ERC2: variants seen among roughly 807,000 people sequenced by gnomAD.
ERC2 encodes ERC protein 2.
In ERC2, 42 loss-of-function variants were observed where a neutral mutation model predicts 114.8. The observed-to-expected ratio is 0.37, with a 90% CI of 0.29 to 0.47. ERC2 has a LOEUF of 0.47. Ranked by LOEUF, ERC2 falls within the 20% of genes least tolerant of loss-of-function variation. The pLI is 0.99. For synonymous variants in ERC2, 454 were observed against 425.5 expected (o/e 1.07, Z -0.82); for missense variants, 939 against 1,150.7 (o/e 0.82, Z 2.66).
chr3:55,633,917 C>T (rs2059854202), intron 17 of ERC2, among the ~76,000 whole-genome samples: 3 of 152,280 alleles, frequency 2.0e-5, no homozygotes, highest in South Asian at 2.1e-4. Flanking sequence ...TCAAGGGTCC[C>T]GGGTGGGAAA....
intron 17 of ERC2, among the ~76,000 whole-genome samples, chr3:55,673,827 T>C (rs2061667663): frequency 9.9e-6 from 1 of 100,992 alleles, no homozygotes; most frequent in South Asian, 3.2e-4. Context: ...TTTTTTTTTT[T>C]AGTAGAGTGA....
At chr3:56,322,873 A>T (rs2057190314) in intron 2 of ERC2, among the ~76,000 whole-genome samples, 1 of 152,260 alleles carries the variant, frequency 6.6e-6, no homozygotes, top group Non-Finnish European at 1.5e-5. Flanking sequence ...TTGATTCCCA[A>T]CGTGACAGTG....
chr3:56,278,988 T>C (rs1231417398), intron 3 of ERC2, among the ~76,000 whole-genome samples: 1 of 152,224 alleles, frequency 6.6e-6, no homozygotes, highest in African/African-American at 2.4e-5. Context: ...AATTATAGCA[T>C]GTGCCATACC....
chr3:56,349,967 C>G (rs913318337), intron 2 of ERC2, among the ~76,000 whole-genome samples: 2 of 151,922 alleles, frequency 1.3e-5, no homozygotes. Context: ...TGCTTATTAC[C>G]TGGATGATGA....
At chr3:55,629,170 G>A (rs2059642916) in intron 17 of ERC2, among the ~76,000 whole-genome samples, 1 of 152,036 alleles carries the variant, frequency 6.6e-6, no homozygotes, top group South Asian at 2.1e-4. Context: ...AGTCTCCTGG[G>A]CCTCGCGGCT....
intron 13 of ERC2, among the ~76,000 whole-genome samples, chr3:55,890,622 C>T (rs1051602338): frequency 6.6e-6 from 1 of 152,208 alleles, no homozygotes; most frequent in Non-Finnish European, 1.5e-5. Flanking sequence ...TGATTTCAGG[C>T]TGCTCCAGCC....
intron 2 of ERC2, among the ~76,000 whole-genome samples, chr3:56,382,819 T>G (rs1413852950): frequency 1.3e-5 from 2 of 152,128 alleles, no homozygotes; most frequent in African/African-American, 2.4e-5. Context: ...AGGCTTGCTA[T>G]CTCATCCCTG....
At chr3:56,272,948 TA>T (rs1179001719) in intron 3 of ERC2, among the ~76,000 whole-genome samples, 1 of 152,176 alleles carries the variant, frequency 6.6e-6, no homozygotes, top group African/African-American at 2.4e-5. Flanking sequence ...GTCTCACGTA[TA>T]AAAGGGGTAA....
chr3:55,620,059 C>T lies in ERC2; in HGVS notation c.*39+63735G>A, dbSNP rs114497349. On this transcript the variant is annotated intron_variant, in intron 17 of 17. Transcript: ENST00000288221. Reference sequence around the variant, plus strand: ...ATTGCCTGGCAAAATGACTGTTCACCTTTGAAGCTCTGCAAATTGGGATTA... The same window carrying T: ...ATTGCCTGGCAAAATGACTGTTCACTTTTGAAGCTCTGCAAATTGGGATTA... Among the ~76,000 whole-genome samples the T allele has an allele frequency of 2.3e-3, 349 of 152,302 alleles. 1 individual carries two copies. Among genetic ancestry groups the T allele is most frequent in the African/African-American group, 8.1e-3 (335 of 41,570 alleles).
chr3:55,996,823 T>C (rs1029348521), intron 10 of ERC2, among the ~76,000 whole-genome samples: 1 of 152,184 alleles, frequency 6.6e-6, no homozygotes, highest in Admixed American at 6.5e-5. Flanking sequence ...GTTATTTTAG[T>C]GAAAGAATTT....
intron 13 of ERC2, among the ~76,000 whole-genome samples, chr3:55,924,296 T>C (rs749203201): frequency 8.5e-5 from 13 of 152,088 alleles, no homozygotes; most frequent in Non-Finnish European, 2.9e-5. Flanking sequence ...CCATATGGCC[T>C]GTGTTGCAAC....
intron 14 of ERC2, among the ~76,000 whole-genome samples, chr3:55,884,672 T>C (rs1181064117): frequency 1.3e-5 from 2 of 152,092 alleles, no homozygotes; most frequent in Admixed American, 1.3e-4. Flanking sequence ...ATGGGAATGG[T>C]ATTCACCAGG....
At chr3:55,996,022 A>C (rs1268842178) in intron 10 of ERC2, among the ~76,000 whole-genome samples, 1 of 152,234 alleles carries the variant, frequency 6.6e-6, no homozygotes, top group Admixed American at 6.5e-5. Flanking sequence ...AGTAGGTAAC[A>C]GACTTGGATC....
chr3:56,248,283 A>G (rs374321851), intron 3 of ERC2, among the ~76,000 whole-genome samples: 5 of 152,272 alleles, frequency 3.3e-5, no homozygotes, highest in African/African-American at 7.2e-5. Context: ...TTTTACAGAC[A>G]GAGTCTCGCT....
intron 14 of ERC2, among the ~76,000 whole-genome samples, chr3:55,777,243 G>A (rs775975663): frequency 9.2e-5 from 14 of 152,024 alleles, no homozygotes; most frequent in Non-Finnish European, 1.8e-4. Flanking sequence ...TGTGGCATCT[G>A]AGGGCCCATG....
intron 14 of ERC2, among the ~76,000 whole-genome samples, chr3:55,825,390 T>C (rs1249573307): frequency 2.0e-5 from 3 of 152,230 alleles, no homozygotes. Flanking sequence ...TTAACAGATT[T>C]CTTTATCTAA....
rs374551607 is a variant in ERC2 at position 56,413,439 on chromosome 3, T to C, written c.657+20912A>G. Among the ~76,000 whole-genome samples, 16 of 152,308 alleles carry C rather than the reference T, an allele frequency of 1.1e-4. No homozygotes were observed. The East Asian group carries it at 1.5e-3, about 15-fold the overall frequency. On this transcript the variant is annotated intron_variant, in intron 2 of 17. Transcript: ENST00000288221. ...CAGCGCACAGCAGGTATGGCCATCTTGGGTCCTGGGAATGGAGGGAGTAGC... is the reference window on the plus strand; with the variant it reads ...CAGCGCACAGCAGGTATGGCCATCTCGGGTCCTGGGAATGGAGGGAGTAGC...
intron 17 of ERC2, among the ~76,000 whole-genome samples, chr3:55,675,110 C>T (rs1301513892): frequency 6.6e-6 from 1 of 152,210 alleles, no homozygotes; most frequent in East Asian, 1.9e-4. Flanking sequence ...AGATTGAACA[C>T]ACGAGCACCT....
intron 7 of ERC2, among the ~76,000 whole-genome samples, chr3:56,052,119 C>T (rs1352321057): frequency 6.6e-6 from 1 of 152,182 alleles, no homozygotes. Context: ...TTGGCCCAGA[C>T]TGTAAAATCC....
Sources: allele counts gnomAD v4.1 joint callset (sites outside exome capture counted in the v4.1 genomes callset), GRCh38; gene constraint gnomAD v4.1.1; transcripts MANE v1.5; gene names NCBI Gene and HGNC (gene_info 2026-07-23, HGNC 2026-07-21).